KPNA5: variants seen among roughly 807,000 people sequenced by gnomAD.
KPNA5 encodes importin subunit alpha-6.
Under a neutral mutation model 71.3 loss-of-function variants are expected in KPNA5, and 46 were observed. That is an observed-to-expected ratio of 0.65 (90% confidence interval 0.51 to 0.83). KPNA5 has a LOEUF of 0.83. Among genes scored for constraint, KPNA5 ranks in the 40% least tolerant of loss-of-function variants. The pLI, the probability that KPNA5 is intolerant of heterozygous loss-of-function variation, is 0.00. For missense variants in KPNA5, 547 were observed against 628.3 expected (o/e 0.87, Z 1.38); for synonymous variants, 207 against 201.4 (o/e 1.03, Z -0.24).
At chr6:116,683,765 T>G (rs1777454910) in intron 1 of KPNA5, among the ~76,000 whole-genome samples, 1 of 151,448 alleles carries the variant, frequency 6.6e-6, no homozygotes, top group South Asian at 2.1e-4. Context: ...GCCCGGCTAA[T>G]TTTTTGTATT....
rs1228184791 is a variant in KPNA5 at position 116,736,676 on chromosome 6, A to G, written c.*4353A>G. ...AAATTTGAAAACACAGCAATTATTT[A>G]AACATTTTTTCATTTCCAATTCCGC... On this transcript the variant is annotated 3_prime_UTR_variant, in exon 14 of 14. Transcript: ENST00000368564. 1.3e-5 allele frequency: 2 copies of G among 152,008 alleles called. No individual in the cohort carries two copies. 9.4% of individuals were successfully genotyped at this position (152,008 alleles called of 1,614,324 possible).
chr6:116,687,738 C>T (rs1777645843), intron 1 of KPNA5, among the ~76,000 whole-genome samples: 2 of 152,118 alleles, frequency 1.3e-5, no homozygotes, highest in South Asian at 4.1e-4. Flanking sequence ...ATATCTGTTA[C>T]ATTCATTTGG....
At chr6:116,709,152 T>G (rs1313091831) in intron 7 of KPNA5, among the ~76,000 whole-genome samples, 1 of 152,190 alleles carries the variant, frequency 6.6e-6, no homozygotes, top group Non-Finnish European at 1.5e-5. Flanking sequence ...TTTTGTAGAT[T>G]GTTGTGGATT....
In KPNA5 at chr6:116,740,834, G is replaced by A. The variant is rs1272555159; in HGVS notation, c.*8511G>A. ...ACAGGAAGGGGAACATCACACTCTG[G>A]GGACTGTTGTGGGGTTGGGGGAGGG... On this transcript the variant is annotated 3_prime_UTR_variant, in exon 14 of 14. Transcript: ENST00000368564. 6.7e-6 allele frequency: 1 copy of A among 148,726 alleles called. No homozygotes were observed. Among genetic ancestry groups the A allele is most frequent in the Non-Finnish European group, 1.5e-5 (1 of 67,186 alleles). The allele number at this position is 148,726 out of a possible 1,614,324, so 9.2% of individuals were successfully genotyped here. A position where few individuals can be genotyped will look rare whatever the true frequency, so the allele number is the denominator to read the frequency against.
chr6:116,702,898 T>C (rs1778283725), intron 6 of KPNA5, among the ~76,000 whole-genome samples: 1 of 152,252 alleles, frequency 6.6e-6, no homozygotes, highest in East Asian at 1.9e-4. Context: ...TACATATAAT[T>C]GTACCATCTA....
rs567633340 is a variant in KPNA5, at chr6:116,686,879, A to G, written c.5-2441A>G. 2.0e-5 allele frequency among the ~76,000 whole-genome samples: 3 copies of G among 152,048 alleles called. No individual in the cohort carries two copies. In the East Asian group the frequency reaches 5.8e-4, roughly 29 times the overall value. On this transcript the variant is annotated intron_variant, in intron 1 of 13. Coordinates refer to ENST00000368564, the MANE Select transcript of KPNA5 (RefSeq NM_001366306.2). ...CCTTATTTATGGGCTATTTTGTTTC[A>G]TTGGTCTATGTGTCTGTTTTTGTAC...
At position 116,716,323 on chromosome 6, in the gene KPNA5, G is replaced by C. The variant is rs1451203492; in HGVS notation, c.756+5G>C. Reference sequence around the variant, plus strand: ...CCTCCTCCAAACTTTAGTAAGGTATGAGTAAAATACACAAATTAAAATATT... The same window carrying C: ...CCTCCTCCAAACTTTAGTAAGGTATCAGTAAAATACACAAATTAAAATATT... On this transcript the variant is annotated splice_donor_5th_base_variant and intron_variant, in intron 8 of 13. Transcript: ENST00000368564. 6.4e-7 allele frequency: 1 copy of C among 1,555,080 alleles called. No individual in the cohort carries two copies. The highest frequency in any genetic ancestry group is 1.4e-5 in the African/African-American group (1 of 73,520).
intron 8 of KPNA5, among the ~76,000 whole-genome samples, chr6:116,717,496 G>A (rs532479504): frequency 6.6e-5 from 10 of 152,202 alleles, no homozygotes; most frequent in African/African-American, 2.4e-4. Context: ...AGGTATCCAA[G>A]TTACTGGTGG....
At chr6:116,702,451 G>A (rs917100920) in intron 6 of KPNA5, among the ~76,000 whole-genome samples, 2 of 152,120 alleles carry the variant, frequency 1.3e-5, no homozygotes, top group Non-Finnish European at 2.9e-5. Context: ...GGAAAGCTGA[G>A]GCAAGCAGAT....
intron 7 of KPNA5, among the ~76,000 whole-genome samples, chr6:116,712,679 G>A (rs1778744945): frequency 6.6e-6 from 1 of 152,076 alleles, no homozygotes; most frequent in African/African-American, 2.4e-5. Flanking sequence ...TGCCTAGGCT[G>A]GTCTTAAACT....
In KPNA5 at chr6:116,716,269, C is replaced by T. The variant is rs752649100; in HGVS notation, c.707C>T (p.Ala236Val). 6.2e-7 allele frequency: 1 copy of T among 1,613,386 alleles called. No individual in the cohort carries two copies. The highest frequency in any genetic ancestry group is 2.2e-5 in the East Asian group (1 of 44,792). Residue 236 changes from alanine (A) to valine (V), a missense_variant, in exon 8 of 14, where the codon GCC becomes GTC. Coordinates refer to ENST00000368564, the MANE Select transcript of KPNA5 (RefSeq NM_001366306.2). ...ACAACAACAAGAAATGCCGTGTGGG[C>T]CCTCTCAAATTTATGTAGAGGCAAA... Reference protein sequence around the residue: ...RLTTTRNAVWALSNLCRGKNP... With the variant: ...RLTTTRNAVWVLSNLCRGKNP...
Position 116,739,826 on chromosome 6 carries a change from C to T in KPNA5, c.*7503C>T, listed in dbSNP as rs1779805226. The T allele has an allele frequency of 6.6e-6, 1 of 151,546 alleles. No homozygotes were observed. The highest frequency in any genetic ancestry group is 2.4e-5 in the African/African-American group (1 of 41,092). The allele number at this position is 151,546 out of a possible 1,614,324, so 9.4% of individuals were successfully genotyped here. Reference sequence around the variant, plus strand: ...AAGCTGAAACTGTATCCCTTCCTTACACCTTATACAAAAATTAATTCAAGA... The same window carrying T: ...AAGCTGAAACTGTATCCCTTCCTTATACCTTATACAAAAATTAATTCAAGA... On this transcript the variant is annotated 3_prime_UTR_variant, in exon 14 of 14. Transcript: ENST00000368564.
rs1348857306 is a variant in KPNA5, at chr6:116,711,591, A to G, written c.657-4628A>G. 2.7e-5 allele frequency among the ~76,000 whole-genome samples: 4 copies of G among 149,320 alleles called. No individual in the cohort carries two copies. In the Admixed American group the frequency reaches 2.7e-4, roughly 10 times the overall value. On this transcript the variant is annotated intron_variant, in intron 7 of 13. Coordinates refer to ENST00000368564, the MANE Select transcript of KPNA5 (RefSeq NM_001366306.2). ...TTTAACTCACTAGTTATTTAAGAGT[A>G]TGTTACTCTACTCATAGTTCTGAAT... is the stretch of plus-strand genomic sequence containing the variant.
At chr6:116,701,262 A>G (rs948733426) in intron 5 of KPNA5, among the ~76,000 whole-genome samples, 18 of 152,290 alleles carry the variant, frequency 1.2e-4, no homozygotes, top group African/African-American at 4.1e-4. Flanking sequence ...TTAATTTTAT[A>G]TGTCAAATAT....
chr6:116,702,245 TA>T, intron 6 of KPNA5, 95 bp downstream of exon 6: 1 of 1,293,782 alleles, frequency 7.7e-7, no homozygotes, highest in Non-Finnish European at 1.1e-6. Context: ...TTTTTGTTTC[TA>T]ATTGCTGTAT....
At chr6:116,711,540 G>A (rs1583428974) in intron 7 of KPNA5, among the ~76,000 whole-genome samples, 1 of 136,968 alleles carries the variant, frequency 7.3e-6, no homozygotes, top group Non-Finnish European at 1.6e-5. Context: ...TTCTGCATAT[G>A]TGTGTGTGTG....
intron 5 of KPNA5, among the ~76,000 whole-genome samples, chr6:116,699,685 G>A (rs879921739): frequency 6.6e-6 from 1 of 152,114 alleles, no homozygotes; most frequent in Non-Finnish European, 1.5e-5. Context: ...CAGTTTTATT[G>A]TCAATTATTT....
chr6:116,687,310 A>G (rs892021117), intron 1 of KPNA5, among the ~76,000 whole-genome samples: 3 of 152,156 alleles, frequency 2.0e-5, no homozygotes, highest in Admixed American at 6.5e-5. Flanking sequence ...TTAAAAGACT[A>G]CATGCTGTAT....
intron 1 of KPNA5, among the ~76,000 whole-genome samples, chr6:116,684,235 A>G (rs553926602): frequency 1.3e-5 from 2 of 152,210 alleles, no homozygotes; most frequent in Middle Eastern, 3.4e-3. Flanking sequence ...TTCTAATGAT[A>G]TCTATTTGTA....
Sources: allele counts gnomAD v4.1 joint callset (sites outside exome capture counted in the v4.1 genomes callset), GRCh38; gene constraint gnomAD v4.1.1; transcripts MANE v1.5; gene names NCBI Gene and HGNC (gene_info 2026-07-23, HGNC 2026-07-21).